CHRNB4: variants seen among roughly 807,000 people sequenced by gnomAD.
CHRNB4 encodes the protein cholinergic receptor nicotinic beta 4 subunit, also known as neuronal acetylcholine receptor subunit beta-4.
In CHRNB4, 23 loss-of-function variants were observed where a neutral mutation model predicts 40.4. The ratio of observed to expected loss-of-function variants is 0.57; its 90% CI spans 0.41 to 0.81. The LOEUF (loss-of-function observed/expected upper bound fraction) is 0.81, where lower values mean the gene tolerates loss of function less well. Ranked by LOEUF, CHRNB4 falls within the 30% of genes least tolerant of loss-of-function variation. CHRNB4 has a pLI of 0.00. For synonymous variants in CHRNB4, 285 were observed against 274.4 expected (o/e 1.04, Z -0.38); for missense variants, 568 against 670.6 (o/e 0.85, Z 1.69).
upstream of CHRNB4, among the ~76,000 whole-genome samples, chr15:78,646,095 A>G (rs1193710548): frequency 6.6e-6 from 1 of 151,506 alleles, no homozygotes; most frequent in East Asian, 1.9e-4. Flanking sequence ...GAGGTCAGTG[A>G]GTAATGGAAG....
At chr15:78,639,878 A>G (rs929814181) in intron 1 of CHRNB4, among the ~76,000 whole-genome samples, 3 of 152,142 alleles carry the variant, frequency 2.0e-5, no homozygotes, top group Non-Finnish European at 2.9e-5. Context: ...GGGGAACCTG[A>G]GGTCCAGGAT....
intron 5 of CHRNB4, chr15:78,655,454 A>G (rs1267634904): frequency 5.2e-5 from 4 of 76,742 alleles, no homozygotes; most frequent in Non-Finnish European, 1.7e-4. Context: ...ATATCTATAT[A>G]TATCTATATA....
chr15:78,648,372 G>A (rs28710325), intron 7 of CHRNB4, among the ~76,000 whole-genome samples: 2,367 of 144,318 alleles, frequency 0.016, 65 homozygotes, highest in African/African-American at 0.059. Context: ...CAGCCTGGGC[G>A]ACAGAGCGAG....
chr15:78,641,329 C>A (rs71534213), upstream of CHRNB4: 1 of 502,116 alleles, frequency 2.0e-6, no homozygotes, highest in Non-Finnish European at 3.4e-6. Flanking sequence ...TCCGCCCCGA[C>A]GCCCCCTGGG....
chr15:78,641,787 C>A (rs541442807), upstream of CHRNB4, among the ~76,000 whole-genome samples: 7 of 152,296 alleles, frequency 4.6e-5, no homozygotes, highest in East Asian at 1.3e-3. Flanking sequence ...CTGGAGTGGG[C>A]TGGCCTCGTC....
chr15:78,656,189 T>C (rs1374376846), intron 4 of CHRNB4: 1 of 151,862 alleles, frequency 6.6e-6, no homozygotes, highest in Non-Finnish European at 1.5e-5. Context: ...AATACAAAAT[T>C]ATCTGGGCAT....
chr15:78,648,927 C>A (rs200277396), intron 7 of CHRNB4, among the ~76,000 whole-genome samples: 1 of 152,072 alleles, frequency 6.6e-6, no homozygotes. Context: ...CACAACCATG[C>A]CACCACACCT....
At position 78,635,601 on chromosome 15, in the gene CHRNB4, C is replaced by A; in HGVS notation, c.56-14G>T. ...CGCGGCAGTTCCCTGAGAAAACACA[C>A]AGTCAGACCTGCTGGGCCCTTGTGC... is the stretch of plus-strand genomic sequence containing the variant. On this transcript the variant is annotated splice_polypyrimidine_tract_variant and intron_variant, in intron 1 of 5. Coordinates refer to ENST00000261751, the MANE Select transcript of CHRNB4 (RefSeq NM_000750.5). The A allele has an allele frequency of 6.2e-7, 1 of 1,613,754 alleles. No homozygotes were observed. Among genetic ancestry groups the A allele is most frequent in the Admixed American group, 1.7e-5 (1 of 60,006 alleles).
At chr15:78,650,544 G>T (rs1350433855) in intron 6 of CHRNB4, among the ~76,000 whole-genome samples, 1 of 152,172 alleles carries the variant, frequency 6.6e-6, no homozygotes, top group Non-Finnish European at 1.5e-5. Flanking sequence ...CCTTTCTCTG[G>T]CTTCCCCATC....
At chr15:78,634,945 C>T (rs553659314) in intron 2 of CHRNB4, among the ~76,000 whole-genome samples, 6 of 152,164 alleles carry the variant, frequency 3.9e-5, no homozygotes, top group Non-Finnish European at 7.3e-5. Flanking sequence ...GCAGCAGCCA[C>T]GCCCACTGTC....
chr15:78,646,206 C>A (rs1431321171), upstream of CHRNB4, among the ~76,000 whole-genome samples: 1 of 152,056 alleles, frequency 6.6e-6, no homozygotes, highest in Non-Finnish European at 1.5e-5. Context: ...GGGAGCCCAG[C>A]AAAAGATCCA....
chr15:78,659,484 G>A (rs893931049), intron 1 of CHRNB4, among the ~76,000 whole-genome samples: 1 of 152,024 alleles, frequency 6.6e-6, no homozygotes, highest in Non-Finnish European at 1.5e-5. Context: ...GGTGGTGAAG[G>A]CTCTAGAGAA....
chr15:78,640,425 C>T lies in CHRNB4; in HGVS notation c.55+654G>A, dbSNP rs527911533. Among the ~76,000 whole-genome samples, 493 of 152,326 alleles carry T rather than the reference C, an allele frequency of 3.2e-3. 3 individuals are homozygous for T. Among genetic ancestry groups the T allele is most frequent in the African/African-American group, 0.011 (448 of 41,572 alleles). ...CTCAGTCAAGCTGGCTGTCCAGGCC[C>T]GGCACACCTCGGGTGGGTGACCAGA... is the stretch of plus-strand genomic sequence containing the variant. On this transcript the variant is annotated intron_variant, in intron 1 of 5. Transcript: ENST00000261751.
At chr15:78,644,162 C>CA (rs200373615), upstream of CHRNB4, among the ~76,000 whole-genome samples, 1,766 of 116,172 alleles carry the variant, frequency 0.015, 27 homozygotes, top group African/African-American at 0.046. Context: ...GACTCTGTCT[C>CA]AAAAAAAAAA....
chr15:78,642,068 C>A (rs2054083380), upstream of CHRNB4, among the ~76,000 whole-genome samples: 1 of 152,182 alleles, frequency 6.6e-6, no homozygotes, highest in Admixed American at 6.5e-5. Context: ...AGGAACAAGA[C>A]AGGAAGGGCG....
intron 7 of CHRNB4, among the ~76,000 whole-genome samples, chr15:78,646,870 G>A (rs1028171037): frequency 6.6e-6 from 1 of 152,194 alleles, no homozygotes; most frequent in Non-Finnish European, 1.5e-5. Flanking sequence ...GCTGGGTGTG[G>A]TGGTTCATAC....
At chr15:78,641,012 T>G in intron 1 of CHRNB4, 67 bp downstream of exon 1, 6 of 1,251,410 alleles carry the variant, frequency 4.8e-6, no homozygotes, top group East Asian at 3.1e-5. Context: ...CCCTCCCACC[T>G]GTGGCCAGTC....
At chr15:78,658,443 C>T (rs2054231018) in intron 1 of CHRNB4, 1 of 152,132 alleles carries the variant, frequency 6.6e-6, no homozygotes, top group Admixed American at 6.5e-5. Context: ...TACTATTTGT[C>T]CCTTTTTATA....
At chr15:78,651,897 A>C (rs912605588) in intron 6 of CHRNB4, among the ~76,000 whole-genome samples, 33 of 152,214 alleles carry the variant, frequency 2.2e-4, no homozygotes, top group African/African-American at 6.8e-4. Flanking sequence ...ACACGAGCCC[A>C]AAAGGGCTGC....
Sources: allele counts gnomAD v4.1 joint callset (sites outside exome capture counted in the v4.1 genomes callset), GRCh38; gene constraint gnomAD v4.1.1; transcripts MANE v1.5; gene names NCBI Gene and HGNC (gene_info 2026-07-23, HGNC 2026-07-21).